Variants in CCDC63 observed in about 807,000 individuals in gnomAD.
CCDC63 encodes the protein coiled-coil domain-containing protein 63.
CCDC63 carries 54 observed loss-of-function variants against 63.6 expected under a neutral mutation model. The ratio of observed to expected loss-of-function variants is 0.85; its 90% CI spans 0.68 to 1.07. The LOEUF is 1.07. Ranked by LOEUF, CCDC63 falls within the 50% of genes least tolerant of loss-of-function variation. The probability of loss-of-function intolerance (pLI) is 0.00; values close to 1 mark genes in which losing one functional copy is unlikely to be tolerated. For missense variants in CCDC63, 637 were observed against 689.6 expected (o/e 0.92, Z 0.86); for synonymous variants, 253 against 266.1 (o/e 0.95, Z 0.48).
intron 4 of CCDC63, among the ~76,000 whole-genome samples, chr12:110,867,517 G>A (rs1593656219): frequency 8.4e-6 from 1 of 119,290 alleles, no homozygotes. Context: ...GCGGCTGGCC[G>A]GGCGGGGGGC....
chr12:110,900,755 A>T (rs1404546542), intron 10 of CCDC63, among the ~76,000 whole-genome samples: 1 of 152,068 alleles, frequency 6.6e-6, no homozygotes, highest in East Asian at 1.9e-4. Flanking sequence ...ACACGCCACC[A>T]CGCCCAGCTA....
chr12:110,899,226 C>A, intron 10 of CCDC63, 101 bp downstream of exon 10: 1 of 1,098,570 alleles, frequency 9.1e-7, no homozygotes, highest in Non-Finnish European at 1.3e-6. Context: ...AGCTTTGTGG[C>A]AAAGTGTGTG....
At chr12:110,873,640 G>A (rs139783368) in intron 4 of CCDC63, among the ~76,000 whole-genome samples, 14 of 152,244 alleles carry the variant, frequency 9.2e-5, no homozygotes, top group African/African-American at 3.1e-4. Flanking sequence ...AACTGAGGAG[G>A]CATCCAACAG....
At chr12:110,867,214 G>A (rs1230813913) in intron 4 of CCDC63, among the ~76,000 whole-genome samples, 5 of 128,796 alleles carry the variant, frequency 3.9e-5, no homozygotes, top group South Asian at 2.5e-4. Flanking sequence ...GCGGCTGGCC[G>A]GGCGGGGGGC....
chr12:110,856,844 CTTTTT>C (rs34855503), intron 3 of CCDC63, among the ~76,000 whole-genome samples: 2 of 115,544 alleles, frequency 1.7e-5, no homozygotes. Flanking sequence ...CCTTTCCTTT[CTTTTT>C]TTTTTTTTTT....
At chr12:110,899,150 A>G in intron 10 of CCDC63, 25 bp downstream of exon 10, 1 of 1,588,032 alleles carries the variant, frequency 6.3e-7, no homozygotes, top group South Asian at 1.1e-5. Flanking sequence ...GGCCCGTTGG[A>G]GTCTTAGGAA....
intron 3 of CCDC63, among the ~76,000 whole-genome samples, chr12:110,855,206 TG>T (rs759063344): frequency 1.4e-4 from 21 of 152,244 alleles, no homozygotes; most frequent in Non-Finnish European, 2.9e-4. Context: ...GACGCTTTAC[TG>T]TCATCTGTTG....
At chr12:110,866,998 T>C (rs1404692476) in intron 4 of CCDC63, among the ~76,000 whole-genome samples, 22 of 99,542 alleles carry the variant, frequency 2.2e-4, no homozygotes, top group East Asian at 9.1e-4. Context: ...GGCGGGGGGC[T>C]GACCCCCCCA....
chr12:110,907,265 AC>A lies in CCDC63; in HGVS notation c.1547-64del. 6.5e-7 allele frequency: 1 copy of A among 1,548,802 alleles called. No individual in the cohort carries two copies. On this transcript the variant is annotated intron_variant, in intron 11 of 11. Transcript: ENST00000308208. This position sits in a 1 kb window ranked among gnomAD's most constrained non-coding sequence, Gnocchi z 4.4. ...CCCCAGTGCTATGGAGGGACGCCAAACCAGGCTTAGCCCCAGCCCTGGGGTT... is the reference window on the plus strand; with the variant it reads ...CCCCAGTGCTATGGAGGGACGCCAAACAGGCTTAGCCCCAGCCCTGGGGTT...
chr12:110,856,844 CTTTTTTT>C (rs34855503), intron 3 of CCDC63, among the ~76,000 whole-genome samples: 1 of 115,546 alleles, frequency 8.7e-6, no homozygotes. Context: ...CCTTTCCTTT[CTTTTTTT>C]TTTTTTTTTT....
intron 4 of CCDC63, among the ~76,000 whole-genome samples, chr12:110,870,801 T>A (rs4766513): frequency 0.33 from 49,691 of 151,962 alleles, 8,651 homozygotes; most frequent in African/African-American, 0.46. Context: ...AATAACCTAA[T>A]AACTGAGCAC....
chr12:110,867,577 T>C (rs1257121249), intron 4 of CCDC63, among the ~76,000 whole-genome samples: 4 of 128,460 alleles, frequency 3.1e-5, no homozygotes, highest in South Asian at 2.6e-4. Context: ...GGCGGGGGGC[T>C]GACCCCCCCA....
rs866424771 is a variant in CCDC63, at chr12:110,906,104, T to G, written c.1547-1227T>G. Reference sequence around the variant, plus strand: ...GCCAGTAGTCCTCAGTCAGGGGTGATTTACCCTTTATGGGACATTTGGCAA... The same window carrying G: ...GCCAGTAGTCCTCAGTCAGGGGTGAGTTACCCTTTATGGGACATTTGGCAA... On this transcript the variant is annotated intron_variant, in intron 11 of 11. Transcript: ENST00000308208. 1.3e-4 allele frequency among the ~76,000 whole-genome samples: 15 copies of G among 113,826 alleles called. No individual in the cohort carries two copies. In the Admixed American group the frequency reaches 1.4e-3, roughly 11 times the overall value. The allele number at this position is 113,826 out of a possible 152,430, so 74.7% of individuals were successfully genotyped here.
At chr12:110,845,132 C>T (rs915197273), upstream of CCDC63, among the ~76,000 whole-genome samples, 2 of 152,196 alleles carry the variant, frequency 1.3e-5, no homozygotes, top group Non-Finnish European at 2.9e-5. Context: ...CTCTGCATGG[C>T]GGCTGCTGAG....
intron 7 of CCDC63, 40 bp downstream of exon 7, chr12:110,881,336 T>G: frequency 1.3e-6 from 2 of 1,573,100 alleles, no homozygotes; most frequent in African/African-American, 1.4e-5. Context: ...TCTCACTCTC[T>G]TTCTTGCCTT....
rs114266945 is a variant in CCDC63, at chr12:110,899,114, C to T, written c.1331C>T (p.Pro444Leu). 474 of 1,610,760 alleles carry T rather than the reference C, an allele frequency of 2.9e-4. 2 individuals are homozygous for T. In the African/African-American group the frequency reaches 5.0e-3, roughly 17 times the overall value. Residue 444 changes from proline (P) to leucine (L), a missense_variant, in exon 10 of 12, where the codon CCG becomes CTG. By Grantham distance (98) the Pro-to-Leu change is moderately conservative. Transcript: ENST00000308208. ...ETGKVTDINL[P>L]QYFAIIEKKT... is the part of the protein sequence containing the mutation. ...GGGAAAGTCACTGACATCAACCTTC[C>T]GCAGTATTTTGGTGAGTCAAGCTGG...
chr12:110,884,198 C>G lies in CCDC63; in HGVS notation c.1022C>G (p.Thr341Arg), dbSNP rs149841694. 23 of 1,613,966 alleles carry G rather than the reference C, an allele frequency of 1.4e-5. No individual in the cohort carries two copies. The South Asian group carries it at 2.5e-4, about 18-fold the overall frequency. Residue 341 changes from threonine (T) to arginine (R), a missense_variant, in exon 8 of 12, where the codon ACG (threonine) becomes AGG (arginine). Physicochemically the swap from Thr to Arg is moderately conservative, Grantham distance 71. Transcript: ENST00000308208. ...EKNFARFTYV[T>R]ELNNDMEMMH... ...AATTTTGCTCGGTTCACGTATGTCA[C>G]GGAGCTCAACAACGACATGGAGATG...
chr12:110,845,148 C>T (rs1566110716), upstream of CCDC63, among the ~76,000 whole-genome samples: 1 of 152,184 alleles, frequency 6.6e-6, no homozygotes, highest in Non-Finnish European at 1.5e-5. Flanking sequence ...CTGAGAGCTG[C>T]GCCCATAAAG....
chr12:110,889,091 C>G lies in CCDC63; in HGVS notation c.1075-3985C>G, dbSNP rs1566134891. Among the ~76,000 whole-genome samples, 1 of 151,978 alleles carries G rather than the reference C, an allele frequency of 6.6e-6. No homozygotes were observed. Among genetic ancestry groups the G allele is most frequent in the African/African-American group, 2.4e-5 (1 of 41,384 alleles). On this transcript the variant is annotated intron_variant, in intron 8 of 11. Coordinates refer to ENST00000308208, the MANE Select transcript of CCDC63 (RefSeq NM_152591.3). The surrounding 1 kb of genome is among the most constrained non-coding windows in gnomAD (Gnocchi z 4.1). The stretch of plus-strand genomic sequence containing the variant: ...TTCAGTGTGTTGCCCAGGCTGGTGT[C>G]AATGGTTGTGCTTTTCAAATGTAAC...
Sources: allele counts gnomAD v4.1 joint callset (sites outside exome capture counted in the v4.1 genomes callset), GRCh38; gene constraint gnomAD v4.1.1; non-coding constraint Gnocchi (gnomAD v3.1); transcripts MANE v1.5; gene names NCBI Gene and HGNC (gene_info 2026-07-23, HGNC 2026-07-21).